FAM135B: variants seen among roughly 807,000 people sequenced by gnomAD.
The protein encoded by FAM135B is family with sequence similarity 135 member B, also known as protein FAM135B.
Under a neutral mutation model 127.7 loss-of-function variants are expected in FAM135B, and 43 were observed. That is an observed-to-expected ratio of 0.34 (90% CI 0.26 to 0.43). The LOEUF (loss-of-function observed/expected upper bound fraction) is 0.43. Ranked by LOEUF, FAM135B falls within the 20% of genes least tolerant of loss-of-function variation. FAM135B has a pLI of 1.00. For missense variants in FAM135B, 1,558 were observed against 1,725.6 expected, an observed-to-expected ratio of 0.90 and a Z score of 1.72; for synonymous variants, 670 against 665.1, an observed-to-expected ratio of 1.01 and a Z score of -0.11.
chr8:138,337,078 C>G (rs1377753258), intron 2 of FAM135B, among the ~76,000 whole-genome samples: 7 of 152,156 alleles, frequency 4.6e-5, no homozygotes, highest in African/African-American at 1.7e-4. Flanking sequence ...TAAAAACTCT[C>G]AATAAATTAG....
At chr8:138,320,859 G>A (rs1056724044) in intron 2 of FAM135B, among the ~76,000 whole-genome samples, 2 of 152,192 alleles carry the variant, frequency 1.3e-5, no homozygotes, top group Non-Finnish European at 2.9e-5. Flanking sequence ...ACAATTCTGT[G>A]AGTGATAAAG....
intron 3 of FAM135B, among the ~76,000 whole-genome samples, chr8:138,273,355 G>GCA (rs1484148853): frequency 0.023 from 3,550 of 152,142 alleles, 94 homozygotes; most frequent in East Asian, 0.08. Context: ...ACAGGTGCAT[G>GCA]CCACCATGCC....
intron 5 of FAM135B, among the ~76,000 whole-genome samples, chr8:138,255,924 G>T (rs1436776633): frequency 6.6e-6 from 1 of 152,170 alleles, no homozygotes; most frequent in East Asian, 1.9e-4. Context: ...GAAAGAAAGG[G>T]GGGATATGAA....
chr8:138,247,066 A>G (rs540756361), intron 6 of FAM135B, among the ~76,000 whole-genome samples: 10 of 152,342 alleles, frequency 6.6e-5, no homozygotes, highest in African/African-American at 9.6e-5. Context: ...TGTACCCCCA[A>G]TGTATCTAGG....
chr8:138,389,507 A>G (rs1832415572), intron 1 of FAM135B, among the ~76,000 whole-genome samples: 1 of 152,218 alleles, frequency 6.6e-6, no homozygotes, highest in African/African-American at 2.4e-5. Flanking sequence ...TGAAGTTTTA[A>G]TACATGTTAC....
intron 1 of FAM135B, among the ~76,000 whole-genome samples, chr8:138,418,926 C>T (rs1353101569): frequency 1.4e-5 from 2 of 147,306 alleles, no homozygotes; most frequent in African/African-American, 5.0e-5. Flanking sequence ...AGCGCACTGA[C>T]ACTACAACAA....
At chr8:138,337,534 A>G (rs1828698012) in intron 2 of FAM135B, among the ~76,000 whole-genome samples, 1 of 152,016 alleles carries the variant, frequency 6.6e-6, no homozygotes, top group Non-Finnish European at 1.5e-5. Context: ...TAAAATACCC[A>G]GGAATCCAAC....
At chr8:138,195,773 G>A (rs1816574259) in intron 8 of FAM135B, among the ~76,000 whole-genome samples, 1 of 152,154 alleles carries the variant, frequency 6.6e-6, no homozygotes, top group Non-Finnish European at 1.5e-5. Flanking sequence ...AGCTCCACCA[G>A]CTCTGATACT....
At chr8:138,150,931 G>A (rs1030605029) in intron 13 of FAM135B, among the ~76,000 whole-genome samples, 1 of 151,942 alleles carries the variant, frequency 6.6e-6, no homozygotes, top group East Asian at 1.9e-4. Flanking sequence ...TCACATAGAA[G>A]AAATGCAGAA....
chr8:138,325,228 G>A (rs1827720443), intron 2 of FAM135B, among the ~76,000 whole-genome samples: 1 of 152,142 alleles, frequency 6.6e-6, no homozygotes, highest in African/African-American at 2.4e-5. Flanking sequence ...ATCAAATTGT[G>A]TTTAAATGGA....
At chr8:138,275,242 C>T (rs1418966871) in intron 3 of FAM135B, among the ~76,000 whole-genome samples, 1 of 152,208 alleles carries the variant, frequency 6.6e-6, no homozygotes, top group Non-Finnish European at 1.5e-5. Flanking sequence ...CCCGCAACAG[C>T]ACATCCTGTG....
At chr8:138,383,438 C>G (rs1831992016) in intron 1 of FAM135B, among the ~76,000 whole-genome samples, 1 of 152,196 alleles carries the variant, frequency 6.6e-6, no homozygotes. Context: ...TGCATGATAG[C>G]TGATGTAGAG....
At chr8:138,291,147 G>A (rs1825081253) in intron 3 of FAM135B, among the ~76,000 whole-genome samples, 1 of 152,198 alleles carries the variant, frequency 6.6e-6, no homozygotes, top group Non-Finnish European at 1.5e-5. Flanking sequence ...GCTGACAATA[G>A]CCTGAATCTG....
intron 3 of FAM135B, among the ~76,000 whole-genome samples, chr8:138,298,962 A>C (rs1294458732): frequency 1.3e-5 from 2 of 151,950 alleles, no homozygotes; most frequent in East Asian, 3.9e-4. Flanking sequence ...CGGGAGGCTG[A>C]GGCACAAGAA....
At chr8:138,189,649 T>C (rs1297100174) in intron 9 of FAM135B, among the ~76,000 whole-genome samples, 1 of 152,160 alleles carries the variant, frequency 6.6e-6, no homozygotes, top group Non-Finnish European at 1.5e-5. Flanking sequence ...CCCAAAGTAC[T>C]CACCCCAGCT....
chr8:138,318,099 G>C (rs1355976496), intron 2 of FAM135B, among the ~76,000 whole-genome samples: 5 of 152,176 alleles, frequency 3.3e-5, no homozygotes, highest in Admixed American at 3.3e-4. Flanking sequence ...ATTAGCAGCG[G>C]CAGCCATGGC....
chr8:138,460,737 C>G (rs1837075815), intron 1 of FAM135B, among the ~76,000 whole-genome samples: 1 of 151,912 alleles, frequency 6.6e-6, no homozygotes, highest in South Asian at 2.1e-4. Context: ...AAAGAACAGA[C>G]AAGGAAGAAA....
At chr8:138,441,103 G>C (rs1011651662) in intron 1 of FAM135B, 3 of 152,120 alleles carry the variant, frequency 2.0e-5, no homozygotes, top group Non-Finnish European at 4.4e-5. Flanking sequence ...TTGGATGACC[G>C]AGTGGCTGCT....
At chr8:138,393,456 A>G (rs892995354) in intron 1 of FAM135B, among the ~76,000 whole-genome samples, 1 of 122,578 alleles carries the variant, frequency 8.2e-6, no homozygotes, top group African/African-American at 3.0e-5. Flanking sequence ...TGTTTTAGTG[A>G]AAAAAAAAAA....
Sources: allele counts gnomAD v4.1 joint callset (sites outside exome capture counted in the v4.1 genomes callset), GRCh38; gene constraint gnomAD v4.1.1; transcripts MANE v1.5; gene names NCBI Gene and HGNC (gene_info 2026-07-23, HGNC 2026-07-21).